The following LARGE1 variants were observed in gnomAD, a reference collection of about 807,000 sequenced individuals.
LARGE1 encodes the protein xylosyl- and glucuronyltransferase LARGE1.
Under a neutral mutation model 87.6 loss-of-function variants are expected in LARGE1, and 43 were observed. The ratio of observed to expected loss-of-function variants is 0.49; its 90% CI spans 0.38 to 0.63. The LOEUF is 0.63. Among genes scored for constraint, LARGE1 ranks in the 30% least tolerant of loss-of-function variants. The pLI, the probability that LARGE1 is intolerant of heterozygous loss-of-function variation, is 0.00. For missense variants in LARGE1, 802 were observed against 1,000.2 expected (o/e 0.80, Z 2.67); for synonymous variants, 434 against 394.6 (o/e 1.10, Z -1.18).
chr22:33,097,210 A>C, the LARGE1 span, among the ~76,000 whole-genome samples: 2 of 152,256 alleles, frequency 1.3e-5, no homozygotes, highest in East Asian at 3.9e-4. Flanking sequence ...AGCCTTGGGC[A>C]CATCTACATT....
intron 6 of LARGE1, among the ~76,000 whole-genome samples, chr22:33,435,609 C>T (rs2147766529): frequency 6.6e-6 from 1 of 152,262 alleles, no homozygotes; most frequent in African/African-American, 2.4e-5. Context: ...ACCCGCTCCC[C>T]TGTATGGAAA....
chr22:33,417,190 C>G (rs1236304199), intron 7 of LARGE1, among the ~76,000 whole-genome samples: 2 of 152,186 alleles, frequency 1.3e-5, no homozygotes, highest in Non-Finnish European at 2.9e-5. Context: ...CAGGCGTGAG[C>G]CACCGTGCCC....
At chr22:33,341,543 T>C (rs1939142645) in intron 9 of LARGE1, among the ~76,000 whole-genome samples, 1 of 152,112 alleles carries the variant, frequency 6.6e-6, no homozygotes, top group Admixed American at 6.5e-5. Context: ...CCCATTGAAG[T>C]TGGCTGGATA....
At chr22:33,578,092 G>A (rs2078404537) in intron 5 of LARGE1, among the ~76,000 whole-genome samples, 1 of 152,060 alleles carries the variant, frequency 6.6e-6, no homozygotes, top group Non-Finnish European at 1.5e-5. Flanking sequence ...TTAGACCGTG[G>A]TAATATTGAC....
intron 11 of LARGE1, among the ~76,000 whole-genome samples, chr22:33,191,196 C>T (rs1005437688): frequency 6.6e-6 from 1 of 152,108 alleles, no homozygotes; most frequent in African/African-American, 2.4e-5. Context: ...GGTTTCATTA[C>T]ATAAAATAGA....
chr22:33,905,652 CCAAGTTTCAACACGTAAAAGA>C (rs1462070454), intron 1 of LARGE1, among the ~76,000 whole-genome samples: 1 of 152,184 alleles, frequency 6.6e-6, no homozygotes, highest in African/African-American at 2.4e-5. Flanking sequence ...GTTTCTGGCA[CCAAGTTTCAACACGTAAAAGA>C]CAAAAGGGAA....
chr22:33,205,797 C>A (rs1027013173), intron 11 of LARGE1, among the ~76,000 whole-genome samples: 1 of 151,908 alleles, frequency 6.6e-6, no homozygotes. Flanking sequence ...TGTTTTTTTC[C>A]GAGACAGAGT....
intron 10 of LARGE1, among the ~76,000 whole-genome samples, chr22:33,333,314 G>A (rs1490055160): frequency 6.6e-6 from 1 of 152,120 alleles, no homozygotes; most frequent in African/African-American, 2.4e-5. Context: ...CACTGTGCTG[G>A]GCCGGGGCAA....
chr22:33,835,003 T>G (rs2063073461), intron 1 of LARGE1, among the ~76,000 whole-genome samples: 1 of 84,588 alleles, frequency 1.2e-5, no homozygotes, highest in Non-Finnish European at 2.2e-5. Flanking sequence ...CTCTAAAGTT[T>G]GAGGCCAAAG....
At chr22:33,175,195 C>A (rs1922798987) in intron 11 of LARGE1, among the ~76,000 whole-genome samples, 1 of 151,932 alleles carries the variant, frequency 6.6e-6, no homozygotes, top group African/African-American at 2.4e-5. Flanking sequence ...AATCAATGGG[C>A]AAAAACTGGA....
intron 13 of LARGE1, among the ~76,000 whole-genome samples, chr22:33,282,934 C>T (rs1324590750): frequency 6.6e-6 from 1 of 152,172 alleles, no homozygotes; most frequent in African/African-American, 2.4e-5. Flanking sequence ...GCTAAACCTT[C>T]CTACCCTTCC....
intron 1 of LARGE1, among the ~76,000 whole-genome samples, chr22:33,818,569 G>T (rs181743071): frequency 6.6e-6 from 1 of 152,280 alleles, no homozygotes; most frequent in African/African-American, 2.4e-5. Context: ...TTCCCAATCA[G>T]TATTTGTTGA....
chr22:33,086,631 C>T, the LARGE1 span, among the ~76,000 whole-genome samples: 1 of 147,372 alleles, frequency 6.8e-6, no homozygotes, highest in Non-Finnish European at 1.5e-5. Context: ...TGGCTCATTG[C>T]AACCTCTGCC....
the LARGE1 span, among the ~76,000 whole-genome samples, chr22:33,072,582 G>T: frequency 1.3e-5 from 2 of 152,138 alleles, no homozygotes; most frequent in Non-Finnish European, 1.5e-5. Flanking sequence ...TCTCATCTGA[G>T]ATTTATTGAA....
chr22:33,566,757 T>C lies in LARGE1; in HGVS notation c.616-1738A>G, dbSNP rs560911763. The stretch of plus-strand genomic sequence containing the variant: ...GATTGGTCATTTTACAGAGTGCTGA[T>C]TGGTCCATTTTATAAAGTGCTGATT... On this transcript the variant is annotated intron_variant, in intron 5 of 14. Transcript: ENST00000397394. 5.9e-5 allele frequency among the ~76,000 whole-genome samples: 9 copies of C among 152,308 alleles called. No individual in the cohort carries two copies. In the South Asian group the frequency reaches 1.7e-3, roughly 28 times the overall value.
At chr22:33,424,382 T>C (rs1428942307) in intron 7 of LARGE1, among the ~76,000 whole-genome samples, 2 of 152,170 alleles carry the variant, frequency 1.3e-5, no homozygotes, top group Admixed American at 1.3e-4. Context: ...AGAAGCCATC[T>C]CTCACAGAAT....
At chr22:33,329,066 G>A (rs1937484344) in intron 10 of LARGE1, among the ~76,000 whole-genome samples, 1 of 152,172 alleles carries the variant, frequency 6.6e-6, no homozygotes, top group Non-Finnish European at 1.5e-5. Flanking sequence ...CTGTGCTCAT[G>A]CAGGAGAGAC....
Position 33,651,225 on chromosome 22 carries a change from C to CAAAAAAAAAAAAAAAAAAAAAAAAA in LARGE1, c.107-558_107-557insTTTTTTTTTTTTTTTTTTTTTTTTT, listed in dbSNP as rs71187275. On this transcript the variant is annotated intron_variant, in intron 2 of 14. Coordinates refer to ENST00000397394, the MANE Select transcript of LARGE1 (RefSeq NM_133642.5). Reference sequence around the variant, plus strand: ...TGAAACCCGGTCTCTACTAAAAATACAAAAAAAAAAAAAAAAATTAGCCGG... The same window carrying CAAAAAAAAAAAAAAAAAAAAAAAAA: ...TGAAACCCGGTCTCTACTAAAAATACAAAAAAAAAAAAAAAAAAAAAAAAAAAAAAAAAAAAAAAAAATTAGCCGG... Among the ~76,000 whole-genome samples the CAAAAAAAAAAAAAAAAAAAAAAAAA allele has an allele frequency of 1.6e-3, 89 of 56,540 alleles. 20 individuals carry two copies. The highest frequency in any genetic ancestry group is 2.3e-3 in the Non-Finnish European group (63 of 27,534). 37.1% of individuals were successfully genotyped at this position (56,540 alleles called of 152,430 possible). A position where few individuals can be genotyped will look rare whatever the true frequency, so the allele number is the denominator to read the frequency against.
intron 5 of LARGE1, among the ~76,000 whole-genome samples, chr22:33,592,650 A>G (rs1320007308): frequency 1.3e-5 from 2 of 152,116 alleles, no homozygotes; most frequent in Non-Finnish European, 2.9e-5. Context: ...CAACTGACTT[A>G]AAACAATTAT....
Sources: gnomAD v4.1 joint callset for allele counts (sites outside exome capture counted in the v4.1 genomes callset) on GRCh38, gnomAD v4.1.1 for gene constraint, MANE v1.5 for transcripts, NCBI Gene and HGNC (gene_info 2026-07-23, HGNC 2026-07-21) for gene names.